STK10: variants seen among roughly 807,000 people sequenced by gnomAD.
The protein encoded by STK10 is serine/threonine-protein kinase 10.
STK10 carries 78 observed loss-of-function variants against 113.8 expected under a neutral mutation model. The ratio of observed to expected loss-of-function variants is 0.69; its 90% confidence interval spans 0.57 to 0.83. The LOEUF (loss-of-function observed/expected upper bound fraction) is 0.83. Ranked by LOEUF, STK10 falls within the 40% of genes least tolerant of loss-of-function variation. The pLI, the probability that STK10 is intolerant of heterozygous loss-of-function variation, is 0.00. For missense variants in STK10, 1,109 were observed against 1,280.1 expected, an observed-to-expected ratio of 0.87 and a Z score of 2.04; for synonymous variants, 465 against 494.7, an observed-to-expected ratio of 0.94 and a Z score of 0.80.
chr5:172,125,858 TA>T (rs1405572280), intron 3 of STK10, among the ~76,000 whole-genome samples: 1 of 152,248 alleles, frequency 6.6e-6, no homozygotes, highest in Non-Finnish European at 1.5e-5. Flanking sequence ...TCAAGAATTT[TA>T]AAAAAAATTT....
rs903796704 is a variant in STK10, at chr5:172,077,892, C to T, written c.1989+4434G>A. ...TAAAGGAAAGTGCCTGTTGCATATG[C>T]GTATGGTCTCCCTCTCCAGCATCCA... On this transcript the variant is annotated intron_variant, in intron 12 of 18. Coordinates refer to ENST00000176763, the MANE Select transcript of STK10 (RefSeq NM_005990.4). 3.9e-5 allele frequency among the ~76,000 whole-genome samples: 6 copies of T among 152,098 alleles called. No homozygotes were observed. The East Asian group carries it at 5.8e-4, about 15-fold the overall frequency.
chr5:172,106,402 A>AGAG (rs1491199069), intron 6 of STK10, among the ~76,000 whole-genome samples: 1 of 65,900 alleles, frequency 1.5e-5, no homozygotes, highest in African/African-American at 7.8e-5. Context: ...ACCCTATCTC[A>AGAG]AAAAAAAAAA....
intron 1 of STK10, among the ~76,000 whole-genome samples, chr5:172,185,441 G>A (rs1770938375): frequency 6.6e-6 from 1 of 152,028 alleles, no homozygotes; most frequent in Non-Finnish European, 1.5e-5. Context: ...GCTAATTTCT[G>A]TATTTTTAGT....
chr5:172,158,343 T>G (rs1257923284), intron 1 of STK10, among the ~76,000 whole-genome samples: 1 of 151,244 alleles, frequency 6.6e-6, no homozygotes, highest in South Asian at 2.1e-4. Flanking sequence ...GCAGCCAAAG[T>G]GTGGAAACAA....
At chr5:172,167,133 C>A (rs1350583610) in intron 1 of STK10, among the ~76,000 whole-genome samples, 2 of 148,788 alleles carry the variant, frequency 1.3e-5, no homozygotes, top group African/African-American at 5.0e-5. Context: ...GCACTCCAGC[C>A]TGGGAACAGA....
At chr5:172,107,672 G>C in intron 5 of STK10, 108 bp downstream of exon 5, 1 of 621,820 alleles carries the variant, frequency 1.6e-6, no homozygotes, top group South Asian at 2.3e-5. Flanking sequence ...CACGAGGCAG[G>C]GCGTGTAGCC....
In STK10 at chr5:172,042,959, G is replaced by A. The variant is rs1386923472; in HGVS notation, c.*1923C>T. The stretch of plus-strand genomic sequence containing the variant: ...TTGCTTTAGAAAGACAGAGTATACA[G>A]AACCTTAACCTAGCTGGGTGCAGTA... On this transcript the variant is annotated 3_prime_UTR_variant, in exon 19 of 19. Transcript: ENST00000176763. The A allele has an allele frequency of 6.6e-6, 1 of 152,162 alleles. No homozygotes were observed. Among genetic ancestry groups the A allele is most frequent in the Non-Finnish European group, 1.5e-5 (1 of 68,032 alleles). 9.4% of individuals were successfully genotyped at this position (152,162 alleles called of 1,614,324 possible).
At chr5:172,165,334 C>T (rs1461199389) in intron 1 of STK10, among the ~76,000 whole-genome samples, 1 of 152,224 alleles carries the variant, frequency 6.6e-6, no homozygotes. Flanking sequence ...AAGGCGAATG[C>T]AGAGACCAGG....
At chr5:172,155,985 G>A (rs1413357170) in intron 2 of STK10, among the ~76,000 whole-genome samples, 1 of 151,086 alleles carries the variant, frequency 6.6e-6, no homozygotes, top group African/African-American at 2.4e-5. Flanking sequence ...ACAGAACGAG[G>A]CTCCATCTCA....
chr5:172,050,342 A>G (rs4392641), intron 18 of STK10, among the ~76,000 whole-genome samples: 24,868 of 152,124 alleles, frequency 0.16, 2,698 homozygotes, highest in East Asian at 0.33. Flanking sequence ...TTGTGCAATC[A>G]TCTTGAGTTG....
chr5:172,169,708 A>T (rs946445415), intron 1 of STK10, among the ~76,000 whole-genome samples: 2 of 152,126 alleles, frequency 1.3e-5, no homozygotes, highest in Admixed American at 1.3e-4. Context: ...GGTTCTATGA[A>T]CATCAGCCTC....
chr5:172,050,759 C>A (rs921248067), intron 18 of STK10, among the ~76,000 whole-genome samples: 1 of 151,410 alleles, frequency 6.6e-6, no homozygotes, highest in Non-Finnish European at 1.5e-5. Flanking sequence ...GTCACCCAGG[C>A]GGGAGTGCAG....
At chr5:172,117,209 G>A (rs1311132496) in intron 4 of STK10, among the ~76,000 whole-genome samples, 1 of 152,084 alleles carries the variant, frequency 6.6e-6, no homozygotes, top group Non-Finnish European at 1.5e-5. Context: ...AACCTGGGAG[G>A]TGGAGGTTGC....
chr5:172,100,438 A>G (rs1379856151), intron 7 of STK10, among the ~76,000 whole-genome samples: 1 of 152,132 alleles, frequency 6.6e-6, no homozygotes, highest in Non-Finnish European at 1.5e-5. Context: ...CTTTTCCTCT[A>G]TGTGCTTAGA....
chr5:172,100,555 G>A (rs1358782278), intron 7 of STK10, among the ~76,000 whole-genome samples: 2 of 152,280 alleles, frequency 1.3e-5, no homozygotes, highest in East Asian at 3.9e-4. Context: ...GGGAGCCTGA[G>A]GCAGGTGCAT....
At chr5:172,111,426 CA>C (rs1769235101) in intron 4 of STK10, among the ~76,000 whole-genome samples, 1 of 152,358 alleles carries the variant, frequency 6.6e-6, no homozygotes, top group East Asian at 1.9e-4. Flanking sequence ...GGGCCTCCCT[CA>C]GGCACGCACC....
At chr5:172,103,702 C>A (rs1418535270) in intron 7 of STK10, among the ~76,000 whole-genome samples, 1 of 151,974 alleles carries the variant, frequency 6.6e-6, no homozygotes, top group Non-Finnish European at 1.5e-5. Flanking sequence ...CAACTGTGAC[C>A]CCCCACCCCC....
intron 1 of STK10, among the ~76,000 whole-genome samples, chr5:172,169,375 G>A (rs1561833998): frequency 6.6e-6 from 1 of 152,156 alleles, no homozygotes; most frequent in East Asian, 1.9e-4. Flanking sequence ...CGGGAAGATA[G>A]GTGGGCAGAC....
At chr5:172,060,904 T>A (rs1767916959) in intron 14 of STK10, among the ~76,000 whole-genome samples, 1 of 152,240 alleles carries the variant, frequency 6.6e-6, no homozygotes, top group Non-Finnish European at 1.5e-5. Flanking sequence ...CCTGTTTCTT[T>A]CTTTTCTTCT....
Sources: allele counts gnomAD v4.1 joint callset (sites outside exome capture counted in the v4.1 genomes callset), GRCh38; gene constraint gnomAD v4.1.1; transcripts MANE v1.5; gene names NCBI Gene and HGNC (gene_info 2026-07-23, HGNC 2026-07-21).